The following SLC22A24 variants were observed in gnomAD, a reference collection of about 807,000 sequenced individuals.
SLC22A24 encodes the protein steroid transmembrane transporter SLC22A24.
In SLC22A24, 53 loss-of-function variants were observed where a neutral mutation model predicts 49.8. The ratio of observed to expected loss-of-function variants is 1.06; its 90% CI spans 0.85 to 1.34. The LOEUF is 1.34. Among genes scored for constraint, SLC22A24 ranks in the 40% most tolerant of loss-of-function variants. SLC22A24 has a pLI of 0.00. For synonymous variants in SLC22A24, 302 were observed against 256.4 expected, an observed-to-expected ratio of 1.18 and a Z score of -1.70; for missense variants, 786 against 675.9, an observed-to-expected ratio of 1.16 and a Z score of -1.81.
At chr11:63,083,927 C>T (rs1407499467) in intron 6 of SLC22A24, among the ~76,000 whole-genome samples, 1 of 152,244 alleles carries the variant, frequency 6.6e-6, no homozygotes, top group African/African-American at 2.4e-5. Context: ...CGTTCAGAGA[C>T]CTTCTTTACC....
Position 63,081,032 on chromosome 11 carries a change from G to A in SLC22A24, c.1486C>T (p.Leu496=). 1.3e-6 allele frequency: 2 copies of A among 1,551,720 alleles called. No homozygotes were observed. Among genetic ancestry groups the A allele is most frequent in the Non-Finnish European group, 1.7e-6 (2 of 1,147,006 alleles). Residue 496 remains leucine, a synonymous_variant, in exon 9 of 10, where the codon CTA becomes TTA. Transcript: ENST00000612278. The part of the protein sequence containing the change: ...LMTLMAYSPH[L]PWISYGVFPI... ...AAGACTCCATAGGAAATCCAGGGTA[G>A]GTGGGGAGAATACGCCATTAAGGTC...
chr11:63,091,951 G>A (rs1237779470), intron 6 of SLC22A24, among the ~76,000 whole-genome samples: 4 of 151,874 alleles, frequency 2.6e-5, no homozygotes, highest in African/African-American at 9.7e-5. Context: ...AAATAGAGAG[G>A]AAGTCAAATT....
intron 4 of SLC22A24, among the ~76,000 whole-genome samples, chr11:63,107,267 C>T (rs1465345300): frequency 2.0e-5 from 3 of 152,020 alleles, no homozygotes; most frequent in Non-Finnish European, 2.9e-5. Context: ...TTTCTGAGGC[C>T]TCTGTTCTGT....
intron 6 of SLC22A24, 123 bp from the exon 7 acceptor site, chr11:63,083,580 T>C: frequency 1.4e-6 from 1 of 737,748 alleles, no homozygotes; most frequent in Non-Finnish European, 2.2e-6. Context: ...GCAAATGGTG[T>C]TTTTCCTTTT....
At chr11:63,127,817 A>AT (rs930954793) in intron 2 of SLC22A24, among the ~76,000 whole-genome samples, 21 of 150,674 alleles carry the variant, frequency 1.4e-4, no homozygotes, top group Admixed American at 3.3e-4. Context: ...CCACTTTTTG[A>AT]TTTTTTTTTG....
At chr11:63,110,896 G>A (rs1242414937) in intron 4 of SLC22A24, among the ~76,000 whole-genome samples, 4 of 150,366 alleles carry the variant, frequency 2.7e-5, no homozygotes, top group South Asian at 4.3e-4. Context: ...TTGAATAGGA[G>A]TGGTGAGAGA....
intron 8 of SLC22A24, 137 bp downstream of exon 8, chr11:63,081,421 G>T (rs1044413865): frequency 2.9e-6 from 2 of 681,250 alleles, no homozygotes; most frequent in African/African-American, 3.6e-5. Context: ...GCACATATAT[G>T]GCTCTCAGTT....
chr11:63,141,371 C>T (rs2087414606), intron 1 of SLC22A24, among the ~76,000 whole-genome samples: 1 of 152,162 alleles, frequency 6.6e-6, no homozygotes, highest in South Asian at 2.1e-4. Flanking sequence ...TGGCCTCATG[C>T]TATCTTCGTT....
Position 63,107,099 on chromosome 11 carries a change from A to T in SLC22A24, c.831-2801T>A, listed in dbSNP as rs562215827. ...TAAGTCTTTAATCCATCTTGAAGTA[A>T]TTTTTGTATAAGGTGTAAGGAAGGG... On this transcript the variant is annotated intron_variant, in intron 4 of 9. Coordinates refer to ENST00000612278, the MANE Select transcript of SLC22A24 (RefSeq NM_001136506.2). 5.8e-4 allele frequency among the ~76,000 whole-genome samples: 89 copies of T among 152,236 alleles called. No individual in the cohort carries two copies. In the South Asian group the frequency reaches 0.018, roughly 31 times the overall value.
rs185117921 is a variant in SLC22A24 at position 63,142,272 on chromosome 11, G to A, written c.402+1106C>T. On this transcript the variant is annotated intron_variant, in intron 1 of 9. Coordinates refer to ENST00000612278, the MANE Select transcript of SLC22A24 (RefSeq NM_001136506.2). ...GTCCCCTGTCAGCAGGAAGAAGCTG[G>A]AGTGATAGATGGCCTTTTCCCGTCT... Among the ~76,000 whole-genome samples, 273 of 152,274 alleles carry A rather than the reference G, an allele frequency of 1.8e-3. 1 individual carries two copies. The highest frequency in any genetic ancestry group is 6.4e-3 in the African/African-American group (267 of 41,544).
chr11:63,119,439 GTGGAACA>G, intron 2 of SLC22A24, 104 bp from the exon 3 acceptor site: 6 of 1,101,428 alleles, frequency 5.4e-6, no homozygotes, highest in Non-Finnish European at 7.7e-6. Flanking sequence ...TGTTTAACAA[GTGGAACA>G]TGGTGCTTGA....
chr11:63,123,259 A>T (rs1433172236), intron 2 of SLC22A24, among the ~76,000 whole-genome samples: 1 of 152,198 alleles, frequency 6.6e-6, no homozygotes, highest in Non-Finnish European at 1.5e-5. Context: ...AACCTGAAAA[A>T]GAAAGAAGTC....
At chr11:63,097,813 A>G (rs1230536930) in intron 5 of SLC22A24, among the ~76,000 whole-genome samples, 1 of 152,074 alleles carries the variant, frequency 6.6e-6, no homozygotes, top group African/African-American at 2.4e-5. Flanking sequence ...GCAAACTAAC[A>G]CAGGAGCAGA....
rs1183705610 is a variant in SLC22A24 at position 63,113,831 on chromosome 11, G to C, written c.830+5081C>G. Among the ~76,000 whole-genome samples the C allele has an allele frequency of 2.7e-5, 4 of 146,192 alleles. No individual in the cohort carries two copies. In the South Asian group the frequency reaches 8.8e-4, roughly 32 times the overall value. ...ATTGTGCCACTACACTCCAGCCTGG[G>C]CAACAGCGTGAGACTCCATCTCAAA... On this transcript the variant is annotated intron_variant, in intron 4 of 9. Transcript: ENST00000612278.
intron 4 of SLC22A24, chr11:63,118,699 T>A (rs1438238681): frequency 3.7e-6 from 2 of 545,388 alleles, no homozygotes; most frequent in Non-Finnish European, 6.5e-6. Context: ...TCATGATAAT[T>A]CCATGTCTAA....
At chr11:63,093,409 A>G (rs1313698500) in intron 6 of SLC22A24, among the ~76,000 whole-genome samples, 4 of 152,172 alleles carry the variant, frequency 2.6e-5, no homozygotes, top group Admixed American at 6.5e-5. Context: ...TTATTGCAGC[A>G]CTATTTATAA....
intron 6 of SLC22A24, among the ~76,000 whole-genome samples, chr11:63,088,260 C>T (rs1402910717): frequency 1.3e-5 from 2 of 152,088 alleles, no homozygotes; most frequent in South Asian, 4.2e-4. Flanking sequence ...TCTGCAACCT[C>T]CACTGGTGAT....
intron 6 of SLC22A24, among the ~76,000 whole-genome samples, chr11:63,093,186 A>G (rs2087031382): frequency 6.6e-6 from 1 of 152,228 alleles, no homozygotes; most frequent in South Asian, 2.1e-4. Flanking sequence ...AAGTCAGGAA[A>G]CAACAGATGC....
At chr11:63,120,906 A>T (rs2087247363) in intron 2 of SLC22A24, among the ~76,000 whole-genome samples, 1 of 152,200 alleles carries the variant, frequency 6.6e-6, no homozygotes, top group Non-Finnish European at 1.5e-5. Flanking sequence ...TGGAGAAGGA[A>T]TCATTGGAAA....
Sources: allele counts gnomAD v4.1 joint callset (sites outside exome capture counted in the v4.1 genomes callset), GRCh38; gene constraint gnomAD v4.1.1; transcripts MANE v1.5; gene names NCBI Gene and HGNC (gene_info 2026-07-23, HGNC 2026-07-21).